Variants in MGMT observed in about 807,000 individuals in gnomAD.
MGMT encodes the protein methylated-DNA--protein-cysteine methyltransferase.
Under a neutral mutation model 15.9 loss-of-function variants are expected in MGMT, and 14 were observed. That is an observed-to-expected ratio of 0.88 (90% CI 0.58 to 1.37). The LOEUF (loss-of-function observed/expected upper bound fraction) is 1.37, where lower values mean the gene tolerates loss of function less well. MGMT is among the 40% of genes most tolerant of loss of function. The probability of loss-of-function intolerance (pLI) is 0.00; values close to 1 mark genes in which losing one functional copy is unlikely to be tolerated. For synonymous variants in MGMT, 130 were observed against 118.2 expected (o/e 1.10, Z -0.65); for missense variants, 282 against 268.1 (o/e 1.05, Z -0.36).
chr10:129,749,340 AT>A (rs1564784325), intron 3 of MGMT, among the ~76,000 whole-genome samples: 1 of 152,042 alleles, frequency 6.6e-6, no homozygotes, highest in Non-Finnish European at 1.5e-5. Flanking sequence ...TTTTCTGTCT[AT>A]ATAGTTTTGC....
At chr10:129,612,902 ACT>A (rs1402677078) in intron 2 of MGMT, among the ~76,000 whole-genome samples, 6 of 151,918 alleles carry the variant, frequency 3.9e-5, no homozygotes, top group Non-Finnish European at 7.4e-5. Flanking sequence ...GAGCAGTGAG[ACT>A]CTGTCCCCAT....
intron 2 of MGMT, chr10:129,701,827 A>C (rs1244317747): frequency 6.6e-6 from 1 of 152,102 alleles, no homozygotes; most frequent in Non-Finnish European, 1.5e-5. Context: ...CATCACCCCC[A>C]GCTCTGCTGT....
At chr10:129,546,551 G>C (rs1373925801) in intron 2 of MGMT, among the ~76,000 whole-genome samples, 1 of 152,184 alleles carries the variant, frequency 6.6e-6, no homozygotes, top group Admixed American at 6.5e-5. Flanking sequence ...TAAAAGACCT[G>C]GAGGAACAGT....
intron 2 of MGMT, among the ~76,000 whole-genome samples, chr10:129,543,773 C>T (rs1846070141): frequency 6.6e-6 from 1 of 152,122 alleles, no homozygotes; most frequent in Non-Finnish European, 1.5e-5. Context: ...ACGTGTGTGC[C>T]TGTGTCTGTG....
intron 2 of MGMT, 55 bp from the exon 3 acceptor site, chr10:129,707,840 G>T: frequency 6.2e-7 from 1 of 1,604,716 alleles, no homozygotes; most frequent in Non-Finnish European, 8.5e-7. Context: ...TTGCTTTTCC[G>T]ATGTGTGGAG....
intron 3 of MGMT, among the ~76,000 whole-genome samples, chr10:129,709,282 C>T (rs542744084): frequency 2.0e-5 from 3 of 152,252 alleles, no homozygotes; most frequent in East Asian, 1.9e-4. Flanking sequence ...CCTGGGCTGC[C>T]GCCAGCTGGG....
Position 129,532,990 on chromosome 10 carries a change from G to A in MGMT, c.-12-3251G>A, listed in dbSNP as rs1372829626. ...CGGACACTGGCACATGTTGGCAGGCGTCAGCACCAGGGCTGGGCTCCTGCC... is the reference window on the plus strand; with the variant it reads ...CGGACACTGGCACATGTTGGCAGGCATCAGCACCAGGGCTGGGCTCCTGCC... On this transcript the variant is annotated intron_variant, in intron 1 of 4. Coordinates refer to ENST00000651593, the MANE Select transcript of MGMT (RefSeq NM_002412.5). The surrounding 1 kb of genome is among the most constrained non-coding windows in gnomAD (Gnocchi z 5.3). 5.3e-5 allele frequency among the ~76,000 whole-genome samples: 8 copies of A among 152,206 alleles called. No individual in the cohort carries two copies. The highest frequency in any genetic ancestry group is 2.0e-4 in the Admixed American group (3 of 15,290).
At chr10:129,646,636 G>A (rs1001601705) in intron 2 of MGMT, among the ~76,000 whole-genome samples, 2 of 149,262 alleles carry the variant, frequency 1.3e-5, no homozygotes, top group South Asian at 2.1e-4. Flanking sequence ...AGCTTAACAC[G>A]TGGCATCCTC....
At chr10:129,622,349 C>A (rs1361052240) in intron 2 of MGMT, among the ~76,000 whole-genome samples, 1 of 152,224 alleles carries the variant, frequency 6.6e-6, no homozygotes, top group Admixed American at 6.5e-5. Flanking sequence ...GGAAGTAATT[C>A]TCAGATCACA....
chr10:129,686,659 G>A (rs997078264), intron 2 of MGMT, among the ~76,000 whole-genome samples: 4 of 152,166 alleles, frequency 2.6e-5, no homozygotes, highest in South Asian at 4.1e-4. Context: ...CACCGTGCCC[G>A]GCCTGCCAGG....
chr10:129,741,652 G>A (rs1348078868), intron 3 of MGMT, among the ~76,000 whole-genome samples: 1 of 152,172 alleles, frequency 6.6e-6, no homozygotes, highest in Non-Finnish European at 1.5e-5. Flanking sequence ...TGTTCGAGGA[G>A]GGACTGATAT....
At chr10:129,555,899 C>G (rs959488917) in intron 2 of MGMT, among the ~76,000 whole-genome samples, 7 of 152,154 alleles carry the variant, frequency 4.6e-5, no homozygotes, top group African/African-American at 1.7e-4. Context: ...GTTTCTCACT[C>G]CCACTGGGAC....
chr10:129,546,741 A>C (rs1350160100), intron 2 of MGMT, among the ~76,000 whole-genome samples: 1 of 152,130 alleles, frequency 6.6e-6, no homozygotes, highest in Non-Finnish European at 1.5e-5. Context: ...AGGGTGGAAC[A>C]CTGACGTCAG....
At chr10:129,719,271 G>A (rs966309360) in intron 3 of MGMT, among the ~76,000 whole-genome samples, 8 of 152,206 alleles carry the variant, frequency 5.3e-5, no homozygotes, top group South Asian at 2.1e-4. Flanking sequence ...GAGCCAGTCC[G>A]TGTGCCTGCT....
chr10:129,674,266 G>A (rs1179977062), intron 2 of MGMT, among the ~76,000 whole-genome samples: 1 of 149,330 alleles, frequency 6.7e-6, no homozygotes, highest in Non-Finnish European at 1.5e-5. Flanking sequence ...GATTTTGCAA[G>A]CCAGTTGTAA....
rs544343998 is a variant in MGMT, at chr10:129,648,658, A to G, written c.126-59237A>G. 1.9e-3 allele frequency among the ~76,000 whole-genome samples: 292 copies of G among 152,154 alleles called. 1 individual carries two copies. The highest frequency in any genetic ancestry group is 5.6e-3 in the Admixed American group (86 of 15,304). ...CTTTGCCGCTAAGTTTCTTTCTTTC[A>G]CTTTTTTTCTTTTCTTTTTTCTTCT... On this transcript the variant is annotated intron_variant, in intron 2 of 4. Coordinates refer to ENST00000651593, the MANE Select transcript of MGMT (RefSeq NM_002412.5).
intron 2 of MGMT, among the ~76,000 whole-genome samples, chr10:129,651,486 G>T (rs1847457500): frequency 6.6e-6 from 1 of 151,738 alleles, no homozygotes; most frequent in Non-Finnish European, 1.5e-5. Flanking sequence ...TTACTATAGC[G>T]AACAAATTGC....
intron 2 of MGMT, among the ~76,000 whole-genome samples, chr10:129,619,441 G>T (rs1281167623): frequency 6.6e-6 from 1 of 151,996 alleles, no homozygotes; most frequent in Non-Finnish European, 1.5e-5. Flanking sequence ...ACGAATTACG[G>T]GATACTGGTC....
chr10:129,742,880 G>A (rs1173609544), intron 3 of MGMT, among the ~76,000 whole-genome samples: 4 of 151,726 alleles, frequency 2.6e-5, no homozygotes, highest in African/African-American at 4.8e-5. Flanking sequence ...TCAGAGCCAG[G>A]TCTTCAGGGC....
Sources: gnomAD v4.1 joint callset for allele counts (sites outside exome capture counted in the v4.1 genomes callset) on GRCh38, gnomAD v4.1.1 for gene constraint, Gnocchi (gnomAD v3.1) non-coding constraint, MANE v1.5 for transcripts, NCBI Gene and HGNC (gene_info 2026-07-23, HGNC 2026-07-21) for gene names.